CD5L: variants seen among roughly 807,000 people sequenced by gnomAD.
The protein encoded by CD5L is CD5 molecule like.
CD5L carries 39 observed loss-of-function variants against 40.8 expected under a neutral mutation model. The observed-to-expected ratio is 0.96, with a 90% CI of 0.74 to 1.25. The LOEUF is 1.25. Ranked by LOEUF, CD5L falls within the 50% of genes most tolerant of loss-of-function variation. CD5L has a pLI of 0.00. For synonymous variants in CD5L, 192 were observed against 169.6 expected (o/e 1.13, Z -1.03); for missense variants, 433 against 435.9 (o/e 0.99, Z 0.06).
chr1:157,837,019 G>T (rs1162120298), intron 2 of CD5L, among the ~76,000 whole-genome samples: 1 of 152,152 alleles, frequency 6.6e-6, no homozygotes, highest in Non-Finnish European at 1.5e-5. Context: ...CACTTTGGGA[G>T]GCTGAGGCAA....
In CD5L at chr1:157,831,615, A is replaced by C. The variant is rs1656050447; in HGVS notation, c.*349T>G. ...AGTAATGTTTGCAGACATAGACCTT[A>C]GTAATGGTCTGCACATCTGACCAAA... is the stretch of plus-strand genomic sequence containing the variant. On this transcript the variant is annotated 3_prime_UTR_variant, in exon 6 of 6. Transcript: ENST00000368174. 1.8e-6 allele frequency: 2 copies of C among 1,098,428 alleles called. No homozygotes were observed. The highest frequency in any genetic ancestry group is 4.0e-4 in the Middle Eastern group (1 of 2,530). The allele number at this position is 1,098,428 out of a possible 1,614,324, so 68.0% of individuals were successfully genotyped here.
At chr1:157,840,536 C>T (rs1198693108) in intron 1 of CD5L, among the ~76,000 whole-genome samples, 1 of 152,172 alleles carries the variant, frequency 6.6e-6, no homozygotes, top group Non-Finnish European at 1.5e-5. Context: ...TTCCCTTAAT[C>T]TTCAGAATGT....
At chr1:157,828,833 T>A (rs559065441), downstream of CD5L, among the ~76,000 whole-genome samples, 1 of 152,178 alleles carries the variant, frequency 6.6e-6, no homozygotes, top group Non-Finnish European at 1.5e-5. Flanking sequence ...TGTTCTTGGA[T>A]CTCCTCTCCT....
intron 5 of CD5L, 71 bp downstream of exon 5, chr1:157,833,121 C>T: frequency 8.3e-7 from 1 of 1,211,316 alleles, no homozygotes; most frequent in Non-Finnish European, 1.2e-6. Context: ...CCCCAGAGTA[C>T]ACCCCCATCA....
At chr1:157,832,418 C>T (rs1656074717) in intron 5 of CD5L, among the ~76,000 whole-genome samples, 1 of 152,184 alleles carries the variant, frequency 6.6e-6, no homozygotes, top group Non-Finnish European at 1.5e-5. Flanking sequence ...ACTATCAGTT[C>T]TTATCTAGTT....
intron 3 of CD5L, among the ~76,000 whole-genome samples, chr1:157,835,528 G>A (rs1656186456): frequency 6.6e-6 from 1 of 152,172 alleles, no homozygotes. Flanking sequence ...CCCAGCTCCA[G>A]ATACAGTATA....
downstream of CD5L, among the ~76,000 whole-genome samples, chr1:157,827,489 C>G (rs1655932895): frequency 6.6e-6 from 1 of 152,112 alleles, no homozygotes; most frequent in Non-Finnish European, 1.5e-5. Flanking sequence ...ATCAGGGGCA[C>G]CAAGTATAAG....
At chr1:157,838,629 T>G (rs946559849) in intron 2 of CD5L, among the ~76,000 whole-genome samples, 1 of 151,988 alleles carries the variant, frequency 6.6e-6, no homozygotes, top group Admixed American at 6.6e-5. Context: ...AAAAATTACT[T>G]TTTTAAAAAC....
At chr1:157,834,947 T>C (rs1392436844) in intron 3 of CD5L, among the ~76,000 whole-genome samples, 199 bp from the exon 4 acceptor site, 1 of 152,250 alleles carries the variant, frequency 6.6e-6, no homozygotes, top group Admixed American at 6.5e-5. Context: ...AATTCAAAGC[T>C]GAATCATTAT....
Position 157,831,505 on chromosome 1 carries a change from C to T in CD5L, c.*459G>A, listed in dbSNP as rs1335840065. The stretch of plus-strand genomic sequence containing the variant: ...TTTCCCCCAAGTTGCAAGAAATTGT[C>T]TACCCACATTTTCTTTCAAATGTTC... On this transcript the variant is annotated 3_prime_UTR_variant, in exon 6 of 6. Coordinates refer to ENST00000368174, the MANE Select transcript of CD5L (RefSeq NM_005894.3). The T allele has an allele frequency of 2.0e-6, 2 of 986,622 alleles. No individual in the cohort carries two copies. The highest frequency in any genetic ancestry group is 3.5e-5 in the African/African-American group (2 of 57,170). The allele number at this position is 986,622 out of a possible 1,614,324, so 61.1% of individuals were successfully genotyped here. A position where few individuals can be genotyped will look rare whatever the true frequency, so the allele number is the denominator to read the frequency against.
downstream of CD5L, among the ~76,000 whole-genome samples, chr1:157,829,029 T>C (rs1205735816): frequency 6.6e-6 from 1 of 152,234 alleles, no homozygotes; most frequent in Non-Finnish European, 1.5e-5. Context: ...GAGCTTCTGA[T>C]AGCTCCTCTC....
chr1:157,839,496 T>C, intron 1 of CD5L, 86 bp from the exon 2 acceptor site: 1 of 1,419,442 alleles, frequency 7.0e-7, no homozygotes, highest in African/African-American at 1.4e-5. Flanking sequence ...CACAGAACTG[T>C]GTGAGACAAG....
chr1:157,841,310 G>A (rs1373346450), intron 1 of CD5L, among the ~76,000 whole-genome samples: 1 of 152,140 alleles, frequency 6.6e-6, no homozygotes, highest in Non-Finnish European at 1.5e-5. Flanking sequence ...TCAATGAAAG[G>A]TGATTGTCTT....
rs1371520652 is a variant in CD5L, at chr1:157,831,743, TC to T, written c.*220del. 1.6e-5 allele frequency: 21 copies of T among 1,276,712 alleles called. No homozygotes were observed. Among genetic ancestry groups the T allele is most frequent in the Non-Finnish European group, 2.1e-5 (21 of 1,009,090 alleles). 79.1% of individuals were successfully genotyped at this position (1,276,712 alleles called of 1,614,324 possible). On this transcript the variant is annotated 3_prime_UTR_variant, in exon 6 of 6. Coordinates refer to ENST00000368174, the MANE Select transcript of CD5L (RefSeq NM_005894.3). ...GCACAGGATACATGGAAGCTCATCT[TC>T]CCCAGCAAGAGGGAACTCAACAGCT...
At position 157,831,726 on chromosome 1, in the gene CD5L, T is replaced by C. The variant is rs1237147640; in HGVS notation, c.*238A>G. 7 of 1,268,542 alleles carry C rather than the reference T, an allele frequency of 5.5e-6. No individual in the cohort carries two copies. Among genetic ancestry groups the C allele is most frequent in the African/African-American group, 3.1e-5 (2 of 65,218 alleles). The allele number at this position is 1,268,542 out of a possible 1,614,324, so 78.6% of individuals were successfully genotyped here. A position where few individuals can be genotyped will look rare whatever the true frequency, so the allele number is the denominator to read the frequency against. The stretch of plus-strand genomic sequence containing the variant: ...CAAAGGGTCAGGGTTGAGCACAGGA[T>C]ACATGGAAGCTCATCTTCCCCAGCA... On this transcript the variant is annotated 3_prime_UTR_variant, in exon 6 of 6. Transcript: ENST00000368174.
At chr1:157,829,047 C>T (rs556221007), downstream of CD5L, among the ~76,000 whole-genome samples, 1 of 152,194 alleles carries the variant, frequency 6.6e-6, no homozygotes, top group African/African-American at 2.4e-5. Context: ...CTCCCAAAAA[C>T]CTTCTCCTCT....
At chr1:157,835,139 C>G (rs1656169427) in intron 3 of CD5L, among the ~76,000 whole-genome samples, 1 of 152,198 alleles carries the variant, frequency 6.6e-6, no homozygotes, top group Non-Finnish European at 1.5e-5. Flanking sequence ...TTAGTGCTCC[C>G]AACCCTCAAT....
Position 157,834,653 on chromosome 1 carries a change from G to A in CD5L, c.472C>T (p.Gln158Ter), listed in dbSNP as rs1342657717. ...CCTGTCTGGCACACGGTATACCACT[G>A]GTTCTGGTGCTTCACTTCCACGCGT... ...KGRVEVKHQN[Q>*]WYTVCQTGWS... Residue 158 changes from glutamine (Q) to a stop codon, truncating the protein, a stop_gained, in exon 4 of 6, where the codon CAG becomes TAG. Transcript: ENST00000368174. LOFTEE classifies it high-confidence loss of function. 1 of 1,614,154 alleles carries A rather than the reference G, an allele frequency of 6.2e-7. No homozygotes were observed. The highest frequency in any genetic ancestry group is 1.1e-5 in the South Asian group (1 of 91,078).
chr1:157,836,324 G>A (rs182384402), intron 2 of CD5L, among the ~76,000 whole-genome samples, 169 bp from the exon 3 acceptor site: 25 of 152,306 alleles, frequency 1.6e-4, no homozygotes, highest in African/African-American at 2.4e-4. Flanking sequence ...TCAGAACTCC[G>A]TGTCTGAGTT....
Sources: allele counts gnomAD v4.1 joint callset (sites outside exome capture counted in the v4.1 genomes callset), GRCh38; gene constraint gnomAD v4.1.1; transcripts MANE v1.5; gene names NCBI Gene and HGNC (gene_info 2026-07-23, HGNC 2026-07-21).